Variants in ZNF212 observed in about 807,000 individuals in gnomAD.
ZNF212 encodes the protein Zinc finger protein C2H2-150.
A neutral mutation model predicts 47.3 loss-of-function variants in ZNF212; 32 were observed. That is an observed-to-expected ratio of 0.68 (90% CI 0.51 to 0.91). The LOEUF (loss-of-function observed/expected upper bound fraction) is 0.91, where lower values mean the gene tolerates loss of function less well. ZNF212 is among the 40% of genes least tolerant of loss of function. The pLI is 0.00. For missense variants in ZNF212, 555 were observed against 622.8 expected (o/e 0.89, Z 1.16); for synonymous variants, 242 against 253.8 (o/e 0.95, Z 0.44).
chr7:149,245,388 C>G (rs982718160), intron 1 of ZNF212, among the ~76,000 whole-genome samples: 2 of 149,548 alleles, frequency 1.3e-5, no homozygotes, highest in Admixed American at 6.7e-5. Context: ...GATTTGCATA[C>G]TATGTTTATG....
rs753771635 is a variant in ZNF212, at chr7:149,239,801, G to C, written c.23G>C (p.Arg8Pro). The part of the protein sequence containing the change: MAESAPA[R>P]HRRKRRSTPL... ...GCCATGGCGGAGTCGGCGCCTGCTC[G>C]GGTAAAGAGGCACCGGCGCGCTGGC... Residue 8 changes from arginine to proline, a missense_variant and splice_region_variant, in exon 1 of 5, where the codon CGG becomes CCG. By Grantham distance (103) the Arg-to-Pro change is moderately radical. Coordinates refer to ENST00000335870, the MANE Select transcript of ZNF212 (RefSeq NM_012256.4). 2 of 1,272,792 alleles carry C rather than the reference G, an allele frequency of 1.6e-6. No homozygotes were observed. The highest frequency in any genetic ancestry group is 1.5e-5 in the African/African-American group (1 of 65,528). The allele number at this position is 1,272,792 out of a possible 1,614,324, so 78.8% of individuals were successfully genotyped here.
chr7:149,246,721 C>T lies in ZNF212; in HGVS notation c.25-3438C>T, dbSNP rs114177958. Among the ~76,000 whole-genome samples the T allele has an allele frequency of 2.0e-3, 299 of 151,258 alleles. 1 individual carries two copies. Among genetic ancestry groups the T allele is most frequent in the African/African-American group, 6.8e-3 (279 of 41,236 alleles). The stretch of plus-strand genomic sequence containing the variant: ...CAATATTTTTCTCCTATCCCTAGCC[C>T]TTGGCAACCACTGATCTGATTTCTG... On this transcript the variant is annotated intron_variant, in intron 1 of 4. Coordinates refer to ENST00000335870, the MANE Select transcript of ZNF212 (RefSeq NM_012256.4).
chr7:149,242,021 C>CTTTTTTTTTTTTTTT (rs34883587), intron 1 of ZNF212, among the ~76,000 whole-genome samples: 1 of 121,346 alleles, frequency 8.2e-6, no homozygotes, highest in Non-Finnish European at 1.7e-5. Context: ...CTTTTCTTTT[C>CTTTTTTTTTTTTTTT]TTTTTTTTTT....
chr7:149,250,188 A>G lies in ZNF212; in HGVS notation c.54A>G (p.Leu18=), dbSNP rs11769362. ...GGAGAAAACGACGCTCCACACCTTT[A>G]ACTTCTTCCACACTTCCTTCACAAG... ...RHRRKRRSTP[L]TSSTLPSQAT... The change falls in exon 2 of 5, where the codon TTA becomes TTG. Residue 18 remains leucine (L), a synonymous_variant. Transcript: ENST00000335870. 0.077 allele frequency: 120,077 copies of G among 1,550,580 alleles called. 5,114 individuals are homozygous for G. The highest frequency in any genetic ancestry group is 0.086 in the Non-Finnish European group (99,180 of 1,149,846).
At chr7:149,251,932 T>G (rs988108623) in intron 3 of ZNF212, among the ~76,000 whole-genome samples, 4 of 140,652 alleles carry the variant, frequency 2.8e-5, no homozygotes, top group African/African-American at 1.2e-4. Context: ...TAGTGAGATC[T>G]CTGTTGCTTA....
intron 1 of ZNF212, among the ~76,000 whole-genome samples, chr7:149,247,899 A>G (rs58475204): frequency 0.032 from 4,823 of 152,282 alleles, 123 homozygotes; most frequent in African/African-American, 0.067. Flanking sequence ...TGGTGGCTGG[A>G]AAGTTCAAGA....
chr7:149,248,193 A>G (rs952859294), intron 1 of ZNF212, among the ~76,000 whole-genome samples: 1 of 152,108 alleles, frequency 6.6e-6, no homozygotes, highest in African/African-American at 2.4e-5. Context: ...TGGAAATACA[A>G]TTTCAACATG....
At chr7:149,251,248 A>G (rs10267594) in intron 3 of ZNF212, 104,577 of 193,814 alleles carry the variant, frequency 0.54, 29,090 homozygotes, top group African/African-American at 0.63. Context: ...GCAGTGGCAC[A>G]ATCTTGGCTC....
chr7:149,242,842 A>G (rs536309941), intron 1 of ZNF212, among the ~76,000 whole-genome samples: 2 of 152,358 alleles, frequency 1.3e-5, no homozygotes, highest in African/African-American at 4.8e-5. Flanking sequence ...TATGTTTCCC[A>G]TAATTTCTAG....
At chr7:149,240,230 T>C (rs1796567788) in intron 1 of ZNF212, among the ~76,000 whole-genome samples, 1 of 152,152 alleles carries the variant, frequency 6.6e-6, no homozygotes, top group Non-Finnish European at 1.5e-5. Flanking sequence ...TTCGGTCCGA[T>C]GTGTTGTCGG....
At chr7:149,241,455 C>A (rs532894480) in intron 1 of ZNF212, among the ~76,000 whole-genome samples, 17 of 141,478 alleles carry the variant, frequency 1.2e-4, no homozygotes, top group African/African-American at 4.5e-4. Flanking sequence ...AAAAAAAAGT[C>A]CACCACAATC....
intron 3 of ZNF212, among the ~76,000 whole-genome samples, chr7:149,252,309 TTGTC>T (rs1313109185): frequency 1.3e-5 from 2 of 152,192 alleles, no homozygotes; most frequent in African/African-American, 4.8e-5. Context: ...GACTGTTTCC[TTGTC>T]TGTCCCAGTG....
chr7:149,254,654 T>C lies in ZNF212; in HGVS notation c.*239T>C. On this transcript the variant is annotated 3_prime_UTR_variant, in exon 5 of 5. Transcript: ENST00000335870. The surrounding 1 kb of genome is among the most constrained non-coding windows in gnomAD (Gnocchi z 4.5). Reference sequence around the variant, plus strand: ...TCTTGGCACCTTCAGGTCTCTGGTTTTCTCATTCATGCCAATGCTTGTGGG... The same window carrying C: ...TCTTGGCACCTTCAGGTCTCTGGTTCTCTCATTCATGCCAATGCTTGTGGG... 1.8e-6 allele frequency: 1 copy of C among 544,682 alleles called. No homozygotes were observed. Among genetic ancestry groups the C allele is most frequent in the Non-Finnish European group, 3.1e-6 (1 of 327,146 alleles). 33.7% of individuals were successfully genotyped at this position (544,682 alleles called of 1,614,324 possible).
rs558131795 is a variant in ZNF212 at position 149,251,566 on chromosome 7, C to T, written c.541+759C>T. On this transcript the variant is annotated intron_variant, in intron 3 of 4. Coordinates refer to ENST00000335870, the MANE Select transcript of ZNF212 (RefSeq NM_012256.4). Reference sequence around the variant, plus strand: ...GCAGTGGTACGATCTCGGCTCACTGCAGCCTTGACAGCTTGGGCTCAAATG... The same window carrying T: ...GCAGTGGTACGATCTCGGCTCACTGTAGCCTTGACAGCTTGGGCTCAAATG... 2.8e-5 allele frequency among the ~76,000 whole-genome samples: 4 copies of T among 144,068 alleles called. No homozygotes were observed. In the South Asian group the frequency reaches 8.7e-4, roughly 31 times the overall value. 94.5% of individuals were successfully genotyped at this position (144,068 alleles called of 152,430 possible).
At chr7:149,243,768 T>C (rs1258384317) in intron 1 of ZNF212, among the ~76,000 whole-genome samples, 1 of 152,156 alleles carries the variant, frequency 6.6e-6, no homozygotes, top group African/African-American at 2.4e-5. Context: ...TAGTATTTTA[T>C]CAAATAGAAA....
intron 1 of ZNF212, among the ~76,000 whole-genome samples, chr7:149,242,146 G>A (rs375968912): frequency 2.0e-5 from 3 of 150,172 alleles, no homozygotes; most frequent in Non-Finnish European, 3.0e-5. Context: ...CTCAGCCTCC[G>A]GAGTAGCTGG....
intron 1 of ZNF212, chr7:149,240,005 A>T: frequency 1.7e-6 from 1 of 576,988 alleles, no homozygotes; most frequent in East Asian, 3.5e-5. Flanking sequence ...GCGGGGTCGG[A>T]GCCTCGGCGC....
chr7:149,252,167 A>G (rs926313818), intron 3 of ZNF212, among the ~76,000 whole-genome samples: 1 of 152,178 alleles, frequency 6.6e-6, no homozygotes, highest in Admixed American at 6.5e-5. Context: ...TTTGTTTGGT[A>G]GACAAAGTCT....
rs779100381 is a variant in ZNF212, at chr7:149,252,829, A to G, written c.631+34A>G. The G allele has an allele frequency of 1.3e-5, 21 of 1,605,576 alleles. 1 individual carries two copies. Among genetic ancestry groups the G allele is most frequent in the Non-Finnish European group, 1.8e-5 (21 of 1,174,814 alleles). Reference sequence around the variant, plus strand: ...CTCTGGAATATTCTGTTCCCCTTCCATAGCCCTCTGTAGCCTAGAGTGAGC... The same window carrying G: ...CTCTGGAATATTCTGTTCCCCTTCCGTAGCCCTCTGTAGCCTAGAGTGAGC... On this transcript the variant is annotated intron_variant, in intron 4 of 4. Coordinates refer to ENST00000335870, the MANE Select transcript of ZNF212 (RefSeq NM_012256.4).
Sources: gnomAD v4.1 joint callset for allele counts (sites outside exome capture counted in the v4.1 genomes callset) on GRCh38, gnomAD v4.1.1 for gene constraint, Gnocchi (gnomAD v3.1) non-coding constraint, MANE v1.5 for transcripts, NCBI Gene and HGNC (gene_info 2026-07-23, HGNC 2026-07-21) for gene names.